Variants in HMGCLL1 observed in about 807,000 individuals in gnomAD.
HMGCLL1 encodes the protein 3-hydroxymethyl-3-methylglutaryl-CoA lyase, cytoplasmic.
Under a neutral mutation model 39.1 loss-of-function variants are expected in HMGCLL1, and 36 were observed. That is an observed-to-expected ratio of 0.92 (90% CI 0.71 to 1.22). HMGCLL1 has a LOEUF of 1.22. Ranked by LOEUF, HMGCLL1 falls within the 50% of genes most tolerant of loss-of-function variation. HMGCLL1 has a pLI of 0.00. For synonymous variants in HMGCLL1, 149 were observed against 144.0 expected, an observed-to-expected ratio of 1.03 and a Z score of -0.25; for missense variants, 451 against 416.5, an observed-to-expected ratio of 1.08 and a Z score of -0.72.
the HMGCLL1 span, among the ~76,000 whole-genome samples, chr6:55,653,264 T>C: frequency 1.3e-5 from 2 of 152,186 alleles, no homozygotes; most frequent in East Asian, 3.9e-4. Flanking sequence ...ATTTTTCTTG[T>C]TGTATCCAGT....
At chr6:55,582,198 C>T (rs1036224588), upstream of HMGCLL1, among the ~76,000 whole-genome samples, 3 of 152,146 alleles carry the variant, frequency 2.0e-5, no homozygotes, top group African/African-American at 4.8e-5. Flanking sequence ...ACTTTGTTAG[C>T]ATCTGTATCC....
intron 7 of HMGCLL1, among the ~76,000 whole-genome samples, chr6:55,492,102 C>G (rs1581850916): frequency 6.6e-6 from 1 of 152,066 alleles, no homozygotes; most frequent in East Asian, 1.9e-4. Context: ...ATATTAACTT[C>G]CAGTCTGAAG....
chr6:55,618,451 T>A, the HMGCLL1 span, among the ~76,000 whole-genome samples: 9 of 152,116 alleles, frequency 5.9e-5, no homozygotes, highest in Non-Finnish European at 1.5e-5. Flanking sequence ...ATTTTGAGAA[T>A]GTATTTGGAT....
At chr6:55,633,008 C>A in the HMGCLL1 span, among the ~76,000 whole-genome samples, 1 of 152,004 alleles carries the variant, frequency 6.6e-6, no homozygotes, top group Non-Finnish European at 1.5e-5. Context: ...TCCAGATTGG[C>A]AAGAATTTAC....
the HMGCLL1 span, among the ~76,000 whole-genome samples, chr6:55,608,949 C>T: frequency 1.3e-5 from 2 of 152,168 alleles, no homozygotes; most frequent in Admixed American, 1.3e-4. Flanking sequence ...CAAGGTGGTG[C>T]GTGAGCCACA....
chr6:55,671,068 A>C, the HMGCLL1 span, among the ~76,000 whole-genome samples: 1 of 151,840 alleles, frequency 6.6e-6, no homozygotes, highest in Non-Finnish European at 1.5e-5. Context: ...AAAAGGGTCC[A>C]TTTTAAATGT....
intron 7 of HMGCLL1, among the ~76,000 whole-genome samples, chr6:55,480,270 C>G (rs12190785): frequency 0.13 from 19,986 of 151,456 alleles, 1,676 homozygotes; most frequent in Non-Finnish European, 0.18. Context: ...GCTCAAATAA[C>G]TCTATAGGAA....
intron 1 of HMGCLL1, among the ~76,000 whole-genome samples, chr6:55,576,824 A>G (rs776086771): frequency 6.6e-6 from 1 of 152,236 alleles, no homozygotes; most frequent in Non-Finnish European, 1.5e-5. Flanking sequence ...GAAATATTGC[A>G]GAAAGTCCAG....
intron 5 of HMGCLL1, among the ~76,000 whole-genome samples, chr6:55,510,961 A>G (rs1767428387): frequency 6.6e-6 from 1 of 151,846 alleles, no homozygotes; most frequent in South Asian, 2.1e-4. Context: ...ATTTCAATAA[A>G]GAGAAGCTGA....
At chr6:55,637,014 G>A in the HMGCLL1 span, among the ~76,000 whole-genome samples, 1 of 152,128 alleles carries the variant, frequency 6.6e-6, no homozygotes, top group African/African-American at 2.4e-5. Flanking sequence ...TTTGAAGATT[G>A]CCTTTTTAAA....
At chr6:55,669,554 G>C in the HMGCLL1 span, among the ~76,000 whole-genome samples, 1 of 151,650 alleles carries the variant, frequency 6.6e-6, no homozygotes, top group East Asian at 1.9e-4. Context: ...AGATAACACA[G>C]ATGAAAAAGG....
chr6:55,455,042 G>C (rs1202108626), intron 7 of HMGCLL1, among the ~76,000 whole-genome samples: 3 of 152,038 alleles, frequency 2.0e-5, no homozygotes, highest in African/African-American at 7.2e-5. Context: ...AGGAGTTTGA[G>C]GCTGCAGTGA....
chr6:55,604,092 T>A, the HMGCLL1 span, among the ~76,000 whole-genome samples: 3 of 152,152 alleles, frequency 2.0e-5, no homozygotes, highest in Non-Finnish European at 4.4e-5. Flanking sequence ...CCTTCCCTTT[T>A]TTTTCTTTAA....
At chr6:55,469,679 A>G (rs1764962675) in intron 7 of HMGCLL1, among the ~76,000 whole-genome samples, 1 of 151,500 alleles carries the variant, frequency 6.6e-6, no homozygotes, top group Non-Finnish European at 1.5e-5. Context: ...CACTGGCCAA[A>G]TGGAACCAAT....
chr6:55,454,878 T>G (rs4236131), intron 7 of HMGCLL1, among the ~76,000 whole-genome samples: 124,638 of 152,126 alleles, frequency 0.82, 51,164 homozygotes, highest in East Asian at 0.92. Flanking sequence ...GGGGGTAAAC[T>G]TCAGAATTCA....
chr6:55,449,316 C>A (rs546756190), intron 7 of HMGCLL1, among the ~76,000 whole-genome samples: 1 of 152,186 alleles, frequency 6.6e-6, no homozygotes, highest in Non-Finnish European at 1.5e-5. Flanking sequence ...TAAAACCAGT[C>A]TTCTTAGAGA....
At chr6:55,576,821 T>G (rs1187673683) in intron 1 of HMGCLL1, among the ~76,000 whole-genome samples, 1 of 152,186 alleles carries the variant, frequency 6.6e-6, no homozygotes, top group Non-Finnish European at 1.5e-5. Flanking sequence ...TAGGAAATAT[T>G]GCAGAAAGTC....
chr6:55,516,531 T>G lies in HMGCLL1; in HGVS notation c.370A>C (p.Asn124His). The change falls in exon 4 of 9, where the codon AAT (asparagine) becomes CAT (histidine). Residue 124 changes from asparagine (N) to histidine (H), a missense_variant. By Grantham distance (68) the Asn-to-His change is moderately conservative. Coordinates refer to ENST00000274901, the MANE Select transcript of HMGCLL1 (RefSeq NM_001042406.2). ...ACAGCATGGTGAAAACCCTGAAGAT[T>G]AGGAGTAAGGACAGGATAGCGAACT... ...PGVRYPVLTPNLQGFHHAVAA... is the reference protein window; with the variant it reads ...PGVRYPVLTPHLQGFHHAVAA... 1 of 1,597,806 alleles carries G rather than the reference T, an allele frequency of 6.3e-7. No homozygotes were observed. Among genetic ancestry groups the G allele is most frequent in the Non-Finnish European group, 8.6e-7 (1 of 1,168,874 alleles).
intron 7 of HMGCLL1, among the ~76,000 whole-genome samples, chr6:55,472,996 C>A (rs1310164445): frequency 1.3e-5 from 2 of 151,380 alleles, no homozygotes; most frequent in Non-Finnish European, 3.0e-5. Flanking sequence ...TAACATACTA[C>A]CATATCTTTG....
Sources: gnomAD v4.1 joint callset for allele counts (sites outside exome capture counted in the v4.1 genomes callset) on GRCh38, gnomAD v4.1.1 for gene constraint, MANE v1.5 for transcripts, NCBI Gene and HGNC (gene_info 2026-07-23, HGNC 2026-07-21) for gene names.